Variants in TRAFD1 observed in about 807,000 individuals in gnomAD.
The protein encoded by TRAFD1 is TRAF-type zinc finger domain-containing protein 1.
Under a neutral mutation model 65.3 loss-of-function variants are expected in TRAFD1, and 38 were observed. That is an observed-to-expected ratio of 0.58 (90% CI 0.45 to 0.76). The LOEUF (loss-of-function observed/expected upper bound fraction) is 0.76. TRAFD1 is among the 30% of genes least tolerant of loss of function. The pLI is 0.00. For missense variants in TRAFD1, 631 were observed against 712.6 expected, an observed-to-expected ratio of 0.89 and a Z score of 1.30; for synonymous variants, 223 against 257.2, an observed-to-expected ratio of 0.87 and a Z score of 1.27.
intron 8 of TRAFD1, among the ~76,000 whole-genome samples, chr12:112,149,095 G>A (rs1427915245): frequency 1.3e-5 from 2 of 152,010 alleles, no homozygotes; most frequent in Non-Finnish European, 2.9e-5. Flanking sequence ...GCGGGCACCT[G>A]TAATCCCAGC....
Position 112,134,753 on chromosome 12 carries a change from T to C in TRAFD1, c.63T>C (p.Pro21=), listed in dbSNP as rs374674337. The change falls in exon 3 of 12, where the codon CCT becomes CCC. Residue 21 remains proline (P), a synonymous_variant. Coordinates refer to ENST00000412615, the MANE Select transcript of TRAFD1 (RefSeq NM_006700.3). ...RLCDNCKKEI[P]VFNFTIHEIH... ...ATTTCCGTAGCAAAAAAGAAATTCCTGTGTTTAACTTTACCATCCATGAGA... is the reference window on the plus strand; with the variant it reads ...ATTTCCGTAGCAAAAAAGAAATTCCCGTGTTTAACTTTACCATCCATGAGA... 2.7e-5 allele frequency: 44 copies of C among 1,611,598 alleles called. No homozygotes were observed. In the Admixed American group the frequency reaches 2.8e-4, roughly 10 times the overall value.
chr12:112,138,794 G>A (rs980722602), intron 4 of TRAFD1, among the ~76,000 whole-genome samples: 4 of 150,164 alleles, frequency 2.7e-5, no homozygotes, highest in African/African-American at 9.8e-5. Context: ...GGAGGCAGAG[G>A]TTGCACTGAG....
At chr12:112,151,386 G>A (rs576621018) in intron 9 of TRAFD1, among the ~76,000 whole-genome samples, 6 of 151,802 alleles carry the variant, frequency 4.0e-5, no homozygotes, top group Non-Finnish European at 7.4e-5. Flanking sequence ...CTTTTGGGGT[G>A]AGCAGTTGTC....
chr12:112,130,460 T>C lies in TRAFD1; in HGVS notation c.-12-51T>C. The C allele has an allele frequency of 6.7e-7, 1 of 1,492,056 alleles. No homozygotes were observed. Among genetic ancestry groups the C allele is most frequent in the South Asian group, 1.2e-5 (1 of 86,374 alleles). The allele number at this position is 1,492,056 out of a possible 1,614,324, so 92.4% of individuals were successfully genotyped here. A position where few individuals can be genotyped will look rare whatever the true frequency, so the allele number is the denominator to read the frequency against. On this transcript the variant is annotated intron_variant, in intron 1 of 11. Coordinates refer to ENST00000412615, the MANE Select transcript of TRAFD1 (RefSeq NM_006700.3). This position sits in a 1 kb window ranked among gnomAD's most constrained non-coding sequence, Gnocchi z 4.4. Reference sequence around the variant, plus strand: ...TTTATTTGTTTTTTTGCATGTCATCTTTAAAGCAGAAATGAAAGAGAAAGT... The same window carrying C: ...TTTATTTGTTTTTTTGCATGTCATCCTTAAAGCAGAAATGAAAGAGAAAGT...
intron 4 of TRAFD1, among the ~76,000 whole-genome samples, chr12:112,136,044 G>A (rs964912556): frequency 9.1e-4 from 138 of 150,866 alleles, no homozygotes; most frequent in African/African-American, 3.2e-3. Flanking sequence ...CACGAGAATC[G>A]CTTGAATCCG....
chr12:112,140,960 G>A lies in TRAFD1; in HGVS notation c.379G>A (p.Asp127Asn). The change falls in exon 5 of 12, where the codon GAT becomes AAT. Residue 127 changes from aspartate (D) to asparagine (N), a missense_variant. Coordinates refer to ENST00000412615, the MANE Select transcript of TRAFD1 (RefSeq NM_006700.3). Reference sequence around the variant, plus strand: ...CTGTGGTCGCAATGTCCTTGTGAAAGATCTGAAGACTCACCCTGAAGTTTG... The same window carrying A: ...CTGTGGTCGCAATGTCCTTGTGAAAAATCTGAAGACTCACCCTGAAGTTTG... ...GNCGRNVLVKDLKTHPEVCGR... is the reference protein window; with the variant it reads ...GNCGRNVLVKNLKTHPEVCGR... 1.9e-6 allele frequency: 3 copies of A among 1,614,192 alleles called. No individual in the cohort carries two copies. Among genetic ancestry groups the A allele is most frequent in the Non-Finnish European group, 2.5e-6 (3 of 1,180,028 alleles).
chr12:112,129,559 A>T (rs558312929), intron 1 of TRAFD1, among the ~76,000 whole-genome samples: 47 of 152,142 alleles, frequency 3.1e-4, no homozygotes, highest in Non-Finnish European at 5.7e-4. Context: ...ATTAGTGTTA[A>T]TTTCCTCTAT....
intron 7 of TRAFD1, among the ~76,000 whole-genome samples, chr12:112,146,375 G>A (rs895150885): frequency 1.3e-5 from 2 of 151,832 alleles, no homozygotes; most frequent in Admixed American, 6.6e-5. Context: ...AAAAAAAAAG[G>A]GGGGGGCAGG....
chr12:112,132,325 C>A (rs948741125), intron 2 of TRAFD1, among the ~76,000 whole-genome samples: 1 of 152,002 alleles, frequency 6.6e-6, no homozygotes, highest in Non-Finnish European at 1.5e-5. Flanking sequence ...CATACATAAT[C>A]CCAAGAGTAG....
intron 4 of TRAFD1, 137 bp downstream of exon 4, chr12:112,135,203 G>A: frequency 2.0e-6 from 2 of 1,005,662 alleles, no homozygotes; most frequent in Non-Finnish European, 3.0e-6. Flanking sequence ...GCCTGTTTGA[G>A]GCCTTGACTA....
intron 9 of TRAFD1, among the ~76,000 whole-genome samples, chr12:112,151,500 C>T (rs1430057706): frequency 6.6e-6 from 1 of 151,156 alleles, no homozygotes; most frequent in Non-Finnish European, 1.5e-5. Flanking sequence ...TTAAGTGATT[C>T]TCCTGGTCTC....
Position 112,130,370 on chromosome 12 carries a change from G to T in TRAFD1, c.-12-141G>T. 4 of 519,750 alleles carry T rather than the reference G, an allele frequency of 7.7e-6. No individual in the cohort carries two copies. Among genetic ancestry groups the T allele is most frequent in the Non-Finnish European group, 1.4e-5 (4 of 292,204 alleles). 32.2% of individuals were successfully genotyped at this position (519,750 alleles called of 1,614,324 possible). A position where few individuals can be genotyped will look rare whatever the true frequency, so the allele number is the denominator to read the frequency against. On this transcript the variant is annotated intron_variant, in intron 1 of 11. Transcript: ENST00000412615. The surrounding 1 kb of genome is among the most constrained non-coding windows in gnomAD (Gnocchi z 4.4). ...AATTTTAAAATAAGAAAATCCCAAG[G>T]GACTGGATATTGAATAAAATGCTTT...
intron 6 of TRAFD1, among the ~76,000 whole-genome samples, chr12:112,145,004 A>C (rs2136978487): frequency 6.6e-6 from 1 of 152,246 alleles, no homozygotes; most frequent in East Asian, 1.9e-4. Context: ...CCCAGAACTA[A>C]AATCTAGATG....
chr12:112,143,114 C>T (rs2030136182), intron 6 of TRAFD1, among the ~76,000 whole-genome samples: 1 of 147,740 alleles, frequency 6.8e-6, no homozygotes, highest in Admixed American at 6.7e-5. Context: ...GAGTCTTCCT[C>T]TGTTGCCCAG....
rs781231453 is a variant in TRAFD1 at position 112,135,027 on chromosome 12, T to C, written c.198T>C (p.Cys66=). Residue 66 remains cysteine (C), a synonymous_variant, in exon 4 of 12, where the codon TGT becomes TGC. Transcript: ENST00000412615. ...TCTTACTCTAGGTGACCTGCAAATG[T>C]AACAAGAAGTTGGAGAAGAGGCTGT... is the stretch of plus-strand genomic sequence containing the variant. ...AAEHCQVTCK[C]NKKLEKRLLK... 3.1e-6 allele frequency: 5 copies of C among 1,614,254 alleles called. No individual in the cohort carries two copies. The highest frequency in any genetic ancestry group is 4.2e-6 in the Non-Finnish European group (5 of 1,180,042).
chr12:112,131,806 C>G (rs1231262886), intron 2 of TRAFD1, among the ~76,000 whole-genome samples: 1 of 152,162 alleles, frequency 6.6e-6, no homozygotes, highest in Non-Finnish European at 1.5e-5. Flanking sequence ...GAAAAAAACC[C>G]AGCAGGCAAC....
At chr12:112,148,053 C>T in intron 7 of TRAFD1, 21 bp from the exon 8 acceptor site, 1 of 1,587,548 alleles carries the variant, frequency 6.3e-7, no homozygotes, top group Non-Finnish European at 8.6e-7. Flanking sequence ...TTGTTTTTAA[C>T]CTATATTTTT....
At position 112,134,808 on chromosome 12, in the gene TRAFD1, C is replaced by G. The variant is rs1437021807; in HGVS notation, c.118C>G (p.Pro40Ala). Residue 40 changes from proline (P) to alanine (A), a missense_variant, in exon 3 of 12, where the codon CCT becomes GCT. Physicochemically the swap from Pro to Ala is conservative, Grantham distance 27. Transcript: ENST00000412615. ...IHCQRNIGMC[P>A]TCKEPFPKSD... ...CTGTCAAAGGAACATTGGTATGTGTCCTACCTGTAAGGAACCATTTCCCAA... is the reference window on the plus strand; with the variant it reads ...CTGTCAAAGGAACATTGGTATGTGTGCTACCTGTAAGGAACCATTTCCCAA... 1 of 1,613,778 alleles carries G rather than the reference C, an allele frequency of 6.2e-7. No individual in the cohort carries two copies. Among genetic ancestry groups the G allele is most frequent in the African/African-American group, 1.3e-5 (1 of 74,924 alleles).
At chr12:112,143,269 C>T (rs539151497) in intron 6 of TRAFD1, among the ~76,000 whole-genome samples, 7 of 152,252 alleles carry the variant, frequency 4.6e-5, no homozygotes, top group African/African-American at 1.4e-4. Context: ...TTAGTAAAGA[C>T]GGGGTTTCAC....
Sources: allele counts gnomAD v4.1 joint callset (sites outside exome capture counted in the v4.1 genomes callset), GRCh38; gene constraint gnomAD v4.1.1; non-coding constraint Gnocchi (gnomAD v3.1); transcripts MANE v1.5; gene names NCBI Gene and HGNC (gene_info 2026-07-23, HGNC 2026-07-21).